FMN1: variants seen among roughly 807,000 people sequenced by gnomAD.
FMN1 encodes formin 1.
FMN1 carries 110 observed loss-of-function variants against 132.4 expected under a neutral mutation model. The observed-to-expected ratio is 0.83, with a 90% confidence interval of 0.71 to 0.97. The LOEUF (loss-of-function observed/expected upper bound fraction) is 0.97. Among genes scored for constraint, FMN1 ranks in the 50% least tolerant of loss-of-function variants. FMN1 has a pLI of 0.00. For synonymous variants in FMN1, 722 were observed against 651.7 expected (o/e 1.11, Z -1.64); for missense variants, 1,792 against 1,705.3 (o/e 1.05, Z -0.90).
At chr15:32,957,212 A>G (rs528626879) in intron 9 of FMN1, among the ~76,000 whole-genome samples, 60 of 152,152 alleles carry the variant, frequency 3.9e-4, no homozygotes, top group African/African-American at 1.4e-3. Flanking sequence ...CATCTCAAAA[A>G]AGGAGGAATA....
At chr15:33,151,511 C>G in intron 4 of FMN1, 5 of 849,246 alleles carry the variant, frequency 5.9e-6, no homozygotes, top group Non-Finnish European at 8.9e-6. Context: ...CTCTGTGTGC[C>G]TGCCTTGATC....
intron 3 of FMN1, among the ~76,000 whole-genome samples, chr15:33,175,362 C>G (rs537457343): frequency 5.9e-5 from 9 of 152,278 alleles, no homozygotes; most frequent in Admixed American, 2.6e-4. Context: ...AGCCACCATG[C>G]CCAACCTGAA....
At chr15:33,033,818 A>G (rs8039517) in intron 6 of FMN1, among the ~76,000 whole-genome samples, 41,126 of 152,054 alleles carry the variant, frequency 0.27, 5,778 homozygotes, top group Non-Finnish European at 0.31. Context: ...AGTATTGTCC[A>G]GGCTTCCAAA....
At chr15:33,093,640 G>GTA (rs1555398315) in intron 4 of FMN1, among the ~76,000 whole-genome samples, 1 of 152,190 alleles carries the variant, frequency 6.6e-6, no homozygotes, top group Admixed American at 6.5e-5. Context: ...AGAAGGTGTG[G>GTA]TATCTATCCA....
intron 6 of FMN1, among the ~76,000 whole-genome samples, chr15:33,028,101 T>A (rs1326795055): frequency 6.6e-6 from 1 of 152,166 alleles, no homozygotes; most frequent in Non-Finnish European, 1.5e-5. Flanking sequence ...CATATTACAA[T>A]CACCTGGGGA....
At chr15:32,950,706 G>C (rs1323923845) in intron 9 of FMN1, among the ~76,000 whole-genome samples, 1 of 152,122 alleles carries the variant, frequency 6.6e-6, no homozygotes, top group Non-Finnish European at 1.5e-5. Context: ...AGGGTGGGAG[G>C]AGGTTGAGTA....
intron 4 of FMN1, among the ~76,000 whole-genome samples, chr15:33,112,208 AC>A (rs1156461071): frequency 2.0e-5 from 3 of 152,134 alleles, no homozygotes; most frequent in African/African-American, 7.2e-5. Context: ...ATAAAATGTT[AC>A]CCCTTAAAAT....
At chr15:32,962,763 C>A (rs1354495794) in intron 9 of FMN1, among the ~76,000 whole-genome samples, 12 of 151,238 alleles carry the variant, frequency 7.9e-5, no homozygotes, top group Non-Finnish European at 1.5e-4. Context: ...CACTGGCCAT[C>A]AGAGAAATGC....
At chr15:32,920,796 G>A (rs752152539) in intron 10 of FMN1, among the ~76,000 whole-genome samples, 1 of 152,210 alleles carries the variant, frequency 6.6e-6, no homozygotes, top group Non-Finnish European at 1.5e-5. Context: ...TGCATCTGAT[G>A]TGAGCAACCG....
intron 4 of FMN1, among the ~76,000 whole-genome samples, chr15:33,125,548 A>T (rs1047567398): frequency 3.9e-5 from 6 of 152,170 alleles, no homozygotes; most frequent in African/African-American, 7.2e-5. Context: ...GCTTAAAAAA[A>T]TTCAGAATAG....
At chr15:32,820,861 G>A (rs936156330) in intron 17 of FMN1, among the ~76,000 whole-genome samples, 1 of 151,930 alleles carries the variant, frequency 6.6e-6, no homozygotes, top group African/African-American at 2.4e-5. Flanking sequence ...TGTTTACAAC[G>A]TTTATCATTT....
intron 7 of FMN1, among the ~76,000 whole-genome samples, chr15:32,977,760 G>T (rs915533143): frequency 6.6e-6 from 1 of 152,040 alleles, no homozygotes; most frequent in Non-Finnish European, 1.5e-5. Flanking sequence ...AATATAAACA[G>T]ATAGTCCCAA....
intron 10 of FMN1, among the ~76,000 whole-genome samples, chr15:32,912,655 T>C (rs35639096): frequency 0.33 from 50,424 of 151,952 alleles, 8,716 homozygotes; most frequent in African/African-American, 0.37. Flanking sequence ...AGATCAGTTT[T>C]GTGGCTATCT....
intron 6 of FMN1, among the ~76,000 whole-genome samples, chr15:33,011,495 T>C (rs912523084): frequency 3.9e-5 from 6 of 151,924 alleles, no homozygotes; most frequent in Non-Finnish European, 7.4e-5. Context: ...TCTTATAGCA[T>C]AGTATTTTAC....
intron 9 of FMN1, among the ~76,000 whole-genome samples, chr15:32,940,391 TTGTGTGTG>T (rs67121672): frequency 0.021 from 3,033 of 145,396 alleles, 45 homozygotes; most frequent in Middle Eastern, 0.094. Context: ...AAAATAAAAA[TTGTGTGTG>T]TGTGTGTGTG....
intron 5 of FMN1, among the ~76,000 whole-genome samples, chr15:33,080,881 C>G (rs369016595): frequency 9.1e-4 from 135 of 149,154 alleles, no homozygotes; most frequent in African/African-American, 3.3e-3. Context: ...AAGCAAAACT[C>G]CGTCTCAAAA....
rs538650471 is a variant in FMN1, at chr15:32,831,178, A to G, written c.3928+25837T>C. Among the ~76,000 whole-genome samples, 4 of 152,262 alleles carry G rather than the reference A, an allele frequency of 2.6e-5. No homozygotes were observed. In the East Asian group the frequency reaches 7.7e-4, roughly 29 times the overall value. ...GAGAAATGAGATATTACTTAGTATCAAACTTGGCTGAGAGTATTAAATAAA... is the reference window on the plus strand; with the variant it reads ...GAGAAATGAGATATTACTTAGTATCGAACTTGGCTGAGAGTATTAAATAAA... On this transcript the variant is annotated intron_variant, in intron 17 of 20. Coordinates refer to ENST00000616417, the MANE Select transcript of FMN1 (RefSeq NM_001277313.2).
intron 6 of FMN1, chr15:33,064,567 G>A (rs12905054): frequency 0.52 from 80,873 of 155,942 alleles, 21,442 homozygotes; most frequent in Non-Finnish European, 0.56. Context: ...AGCATTACTC[G>A]AAGACAAACA....
chr15:32,975,784 A>G (rs930405333), intron 7 of FMN1, among the ~76,000 whole-genome samples: 3 of 152,156 alleles, frequency 2.0e-5, no homozygotes, highest in African/African-American at 7.2e-5. Flanking sequence ...GAAATGAACC[A>G]CATTTGTGAT....
Sources: gnomAD v4.1 joint callset for allele counts (sites outside exome capture counted in the v4.1 genomes callset) on GRCh38, gnomAD v4.1.1 for gene constraint, MANE v1.5 for transcripts, NCBI Gene and HGNC (gene_info 2026-07-23, HGNC 2026-07-21) for gene names.